Variants in KIF13A observed in about 807,000 individuals in gnomAD.
KIF13A encodes the protein kinesin family member 13A, also known as kinesin-like protein KIF13A.
KIF13A carries 79 observed loss-of-function variants against 212.2 expected under a neutral mutation model. The observed-to-expected ratio is 0.37, with a 90% CI of 0.31 to 0.45. The LOEUF is 0.45. Among genes scored for constraint, KIF13A ranks in the 20% least tolerant of loss-of-function variants. The pLI is 1.00. For missense variants in KIF13A, 1,901 were observed against 2,209.0 expected (o/e 0.86, Z 2.79); for synonymous variants, 789 against 808.6 (o/e 0.98, Z 0.41).
rs1422951812 is a variant in KIF13A at position 17,838,552 on chromosome 6, T to G, written c.831-969A>C. 6.6e-6 allele frequency among the ~76,000 whole-genome samples: 1 copy of G among 152,096 alleles called. No individual in the cohort carries two copies. The highest frequency in any genetic ancestry group is 1.5e-5 in the Non-Finnish European group (1 of 68,026). On this transcript the variant is annotated intron_variant, in intron 9 of 38. Transcript: ENST00000259711. The surrounding 1 kb of genome is among the most constrained non-coding windows in gnomAD (Gnocchi z 4.2). Reference sequence around the variant, plus strand: ...AGAAAATGAACCAGAATTCATTTGATCAGAATGGCTGTTAGAATTTTAATA... The same window carrying G: ...AGAAAATGAACCAGAATTCATTTGAGCAGAATGGCTGTTAGAATTTTAATA...
intron 3 of KIF13A, among the ~76,000 whole-genome samples, chr6:17,896,188 A>G (rs1296465945): frequency 1.3e-5 from 2 of 152,010 alleles, no homozygotes; most frequent in Non-Finnish European, 2.9e-5. Context: ...AAATTTGCAT[A>G]TAAGTGGACC....
chr6:17,877,970 T>C (rs1186549849), intron 3 of KIF13A, among the ~76,000 whole-genome samples: 1 of 152,224 alleles, frequency 6.6e-6, no homozygotes, highest in African/African-American at 2.4e-5. Flanking sequence ...TGAGTACCTA[T>C]TGTGTGCTAA....
chr6:17,859,729 G>A (rs1430589159), intron 4 of KIF13A, among the ~76,000 whole-genome samples: 4 of 148,648 alleles, frequency 2.7e-5, no homozygotes, highest in Admixed American at 1.4e-4. Flanking sequence ...TCCACCTCTC[G>A]TGTTCAAGTG....
At chr6:17,910,059 ACATACAGC>A (rs2150502617) in intron 2 of KIF13A, among the ~76,000 whole-genome samples, 1 of 152,366 alleles carries the variant, frequency 6.6e-6, no homozygotes, top group Non-Finnish European at 1.5e-5. Flanking sequence ...ATCTGGTCTC[ACATACAGC>A]CATACCTACA....
chr6:17,962,477 C>T (rs1778913687), intron 2 of KIF13A, among the ~76,000 whole-genome samples: 1 of 151,990 alleles, frequency 6.6e-6, no homozygotes, highest in Non-Finnish European at 1.5e-5. Context: ...CAAGTAGCAA[C>T]GGAGGGAACA....
chr6:17,841,874 C>T (rs1766538610), intron 9 of KIF13A, among the ~76,000 whole-genome samples: 1 of 151,888 alleles, frequency 6.6e-6, no homozygotes, highest in African/African-American at 2.4e-5. Flanking sequence ...TCTGGAATCC[C>T]AAAACCTGTT....
Position 17,772,137 on chromosome 6 carries a change from G to T in KIF13A, c.4325-78C>A. The T allele has an allele frequency of 1.5e-6, 2 of 1,338,344 alleles. No individual in the cohort carries two copies. Among genetic ancestry groups the T allele is most frequent in the Non-Finnish European group, 2.1e-6 (2 of 950,962 alleles). The allele number at this position is 1,338,344 out of a possible 1,614,324, so 82.9% of individuals were successfully genotyped here. A position where few individuals can be genotyped will look rare whatever the true frequency, so the allele number is the denominator to read the frequency against. On this transcript the variant is annotated intron_variant, in intron 36 of 38. Coordinates refer to ENST00000259711, the MANE Select transcript of KIF13A (RefSeq NM_022113.6). The surrounding 1 kb of genome is among the most constrained non-coding windows in gnomAD (Gnocchi z 4.8). Reference sequence around the variant, plus strand: ...ACATAGGAACTGAGACAATGACCCAGCCATGGGAATATCTGGGAGAACAAT... The same window carrying T: ...ACATAGGAACTGAGACAATGACCCATCCATGGGAATATCTGGGAGAACAAT...
chr6:17,818,861 T>C (rs1764180370), intron 16 of KIF13A, among the ~76,000 whole-genome samples: 1 of 152,192 alleles, frequency 6.6e-6, no homozygotes, highest in South Asian at 2.1e-4. Context: ...TTGCTTACAA[T>C]TAGTATTCTG....
At chr6:17,801,231 C>T (rs1404816704) in intron 20 of KIF13A, among the ~76,000 whole-genome samples, 1 of 151,826 alleles carries the variant, frequency 6.6e-6, no homozygotes, top group Non-Finnish European at 1.5e-5. Flanking sequence ...GTGGCTCAAG[C>T]CTATAATCAC....
At chr6:17,924,568 A>G (rs1775337220) in intron 2 of KIF13A, among the ~76,000 whole-genome samples, 1 of 152,232 alleles carries the variant, frequency 6.6e-6, no homozygotes, top group Non-Finnish European at 1.5e-5. Context: ...AGCAAAAAAC[A>G]AAACTTCTAC....
rs1772160985 is a variant in KIF13A at position 17,892,519 on chromosome 6, AT to A, written c.159+5648del. Among the ~76,000 whole-genome samples the A allele has an allele frequency of 6.6e-6, 1 of 152,196 alleles. No individual in the cohort carries two copies. The highest frequency in any genetic ancestry group is 1.5e-5 in the Non-Finnish European group (1 of 68,046). On this transcript the variant is annotated intron_variant, in intron 3 of 38. Coordinates refer to ENST00000259711, the MANE Select transcript of KIF13A (RefSeq NM_022113.6). The surrounding 1 kb of genome is among the most constrained non-coding windows in gnomAD (Gnocchi z 4.7). ...GTGCAGTGATAAGAGTGTCTTTTGTATGCTAATGAGATGACTGGTGGCTGGG... is the reference window on the plus strand; with the variant it reads ...GTGCAGTGATAAGAGTGTCTTTTGTAGCTAATGAGATGACTGGTGGCTGGG...
At chr6:17,944,634 G>A (rs1282730845) in intron 2 of KIF13A, among the ~76,000 whole-genome samples, 1 of 151,934 alleles carries the variant, frequency 6.6e-6, no homozygotes, top group Admixed American at 6.6e-5. Context: ...GAAGCCCAGG[G>A]CATAAAACAA....
At chr6:17,902,179 C>T (rs1280782860) in intron 2 of KIF13A, among the ~76,000 whole-genome samples, 1 of 152,138 alleles carries the variant, frequency 6.6e-6, no homozygotes, top group Non-Finnish European at 1.5e-5. Flanking sequence ...GACCCCGACA[C>T]ATAGGTTTGA....
intron 2 of KIF13A, among the ~76,000 whole-genome samples, chr6:17,965,701 A>G (rs1779240164): frequency 6.6e-6 from 1 of 152,236 alleles, no homozygotes; most frequent in South Asian, 2.1e-4. Flanking sequence ...CTTTATTAAC[A>G]GGGTTGATCT....
chr6:17,798,173 G>A (rs966058476), intron 22 of KIF13A, among the ~76,000 whole-genome samples: 7 of 152,020 alleles, frequency 4.6e-5, no homozygotes, highest in Non-Finnish European at 1.0e-4. Context: ...GAAACTTCAT[G>A]ACAATCTATA....
At position 17,780,743 on chromosome 6, in the gene KIF13A, A is replaced by C; in HGVS notation, c.3833T>G (p.Ile1278Ser). 6.2e-7 allele frequency: 1 copy of C among 1,613,928 alleles called. No homozygotes were observed. Among genetic ancestry groups the C allele is most frequent in the Non-Finnish European group, 8.5e-7 (1 of 1,179,826 alleles). Residue 1278 changes from isoleucine (I) to serine (S), a missense_variant, in exon 31 of 39, where the codon ATT becomes AGT. By Grantham distance (142) the Ile-to-Ser change is moderately radical. Around this residue, in one of 5 missense-constraint regions of KIF13A, gnomAD observed 687 missense variants for 759.1 expected, o/e 0.90. Transcript: ENST00000259711. ...CCCCGTTATTACCTGTTTGTTGTAA[A>C]TATTGGCTGCAATTCGTTTTCGTAA... ...LVLRKRIAAN[I>S]YNKQSFTQSL...
Position 17,900,901 on chromosome 6 carries a change from A to AC in KIF13A, c.147-2722dup, listed in dbSNP as rs1309799096. On this transcript the variant is annotated intron_variant, in intron 2 of 38. Transcript: ENST00000259711. This position sits in a 1 kb window ranked among gnomAD's most constrained non-coding sequence, Gnocchi z 4.6. Reference sequence around the variant, plus strand: ...AGACCATCCTGGTTAACACGGTGAAACCCCGCCTCTACTAAAAATACAAAA... The same window carrying AC: ...AGACCATCCTGGTTAACACGGTGAAACCCCCGCCTCTACTAAAAATACAAAA... Among the ~76,000 whole-genome samples, 3 of 151,350 alleles carry AC rather than the reference A, an allele frequency of 2.0e-5. No homozygotes were observed. The highest frequency in any genetic ancestry group is 4.4e-5 in the Non-Finnish European group (3 of 67,624).
chr6:17,876,395 T>C (rs1206953969), intron 3 of KIF13A, among the ~76,000 whole-genome samples: 1 of 152,130 alleles, frequency 6.6e-6, no homozygotes, highest in Non-Finnish European at 1.5e-5. Context: ...AAGTATAATT[T>C]CATCTCTGTC....
At chr6:17,875,316 T>C (rs1770450060) in intron 3 of KIF13A, among the ~76,000 whole-genome samples, 1 of 152,164 alleles carries the variant, frequency 6.6e-6, no homozygotes, top group African/African-American at 2.4e-5. Context: ...CAACATCTAC[T>C]GGTATGAAAT....
Sources: gnomAD v4.1 joint callset for allele counts (sites outside exome capture counted in the v4.1 genomes callset) on GRCh38, gnomAD v4.1.1 for gene constraint, gnomAD v4.1.1 regional missense constraint, Gnocchi (gnomAD v3.1) non-coding constraint, MANE v1.5 for transcripts, NCBI Gene and HGNC (gene_info 2026-07-23, HGNC 2026-07-21) for gene names.